The following FBN1 variants were observed in gnomAD, a reference collection of about 807,000 sequenced individuals.
The protein encoded by FBN1 is fibrillin 1.
In FBN1, 29 loss-of-function variants were observed where a neutral mutation model predicts 365.1. The ratio of observed to expected loss-of-function variants is 0.08; its 90% CI spans 0.06 to 0.11. FBN1 has a LOEUF of 0.11. Ranked by LOEUF, FBN1 falls within the 10% of genes least tolerant of loss-of-function variation. The probability of loss-of-function intolerance (pLI) is 1.00; values close to 1 mark genes in which losing one functional copy is unlikely to be tolerated. For missense variants in FBN1, 2,476 were observed against 3,703.2 expected, an observed-to-expected ratio of 0.67 and a Z score of 8.60; for synonymous variants, 1,210 against 1,270.5, an observed-to-expected ratio of 0.95 and a Z score of 1.01.
intron 43 of FBN1, among the ~76,000 whole-genome samples, 155 bp from the exon 44 acceptor site, chr15:48,456,917 G>A (rs1358750929): frequency 6.6e-6 from 1 of 150,888 alleles, no homozygotes; most frequent in African/African-American, 2.4e-5. Flanking sequence ...GGACATCAAC[G>A]AATAGCAAAT....
At chr15:48,509,217 CT>C (rs2043738775) in intron 14 of FBN1, among the ~76,000 whole-genome samples, 1 of 151,906 alleles carries the variant, frequency 6.6e-6, no homozygotes, top group African/African-American at 2.4e-5. Context: ...AAAAAGTGGA[CT>C]TTTAGAATAC....
chr15:48,644,863 G>A lies in FBN1; in HGVS notation c.-94C>T. The A allele has an allele frequency of 8.0e-7, 1 of 1,243,228 alleles. No individual in the cohort carries two copies. The highest frequency in any genetic ancestry group is 1.0e-6 in the Non-Finnish European group (1 of 979,292). 77.0% of individuals were successfully genotyped at this position (1,243,228 alleles called of 1,614,324 possible). A position where few individuals can be genotyped will look rare whatever the true frequency, so the allele number is the denominator to read the frequency against. On this transcript the variant is annotated 5_prime_UTR_variant, in exon 2 of 66. Coordinates refer to ENST00000316623, the MANE Select transcript of FBN1 (RefSeq NM_000138.5). ...CGCCCTGAAGCGCACCGCGCCGCCG[G>A]GGTCCCGCTATCCCGCCGCCCGTCC...
chr15:48,488,402 G>T lies in FBN1; in HGVS notation c.3174C>A (p.Gly1058=). ...IGSFKCRCDS[G]FALDSEERNC... ...TCCTTTCTTCAGAATCAAGAGCAAA[G>T]CCGCTGTCACACCTGCACTTAAAGC... Residue 1058 remains glycine, a synonymous_variant, in exon 26 of 66, where the codon GGC becomes GGA. Transcript: ENST00000316623. The T allele has an allele frequency of 6.2e-7, 1 of 1,614,196 alleles. No homozygotes were observed. The highest frequency in any genetic ancestry group is 1.1e-5 in the South Asian group (1 of 91,086).
intron 35 of FBN1, 91 bp from the exon 36 acceptor site, chr15:48,470,847 TA>T: frequency 1.4e-6 from 2 of 1,411,394 alleles, no homozygotes; most frequent in Non-Finnish European, 2.0e-6. Context: ...ATGTAAATAC[TA>T]AGAAAATGCA....
intron 50 of FBN1, among the ~76,000 whole-genome samples, chr15:48,439,657 T>C (rs2043098038): frequency 6.6e-6 from 1 of 152,186 alleles, no homozygotes; most frequent in Admixed American, 6.5e-5. Context: ...AATATGTATG[T>C]TGTAATATTG....
intron 2 of FBN1, among the ~76,000 whole-genome samples, chr15:48,638,912 A>ACCAC (rs1311296176): frequency 6.6e-6 from 1 of 152,174 alleles, no homozygotes; most frequent in Non-Finnish European, 1.5e-5. Flanking sequence ...ATGGTTACCT[A>ACCAC]CCACCCTCAC....
chr15:48,423,252 C>A (rs1254751148), intron 60 of FBN1, among the ~76,000 whole-genome samples: 1 of 152,226 alleles, frequency 6.6e-6, no homozygotes, highest in East Asian at 1.9e-4. Flanking sequence ...ACCATCTGCA[C>A]AACTGCTTTG....
chr15:48,528,891 G>C (rs1269910998), intron 8 of FBN1: 1 of 152,028 alleles, frequency 6.6e-6, no homozygotes, highest in Non-Finnish European at 1.5e-5. Context: ...AAAAGCAAGA[G>C]TTCTATCTAT....
chr15:48,555,654 T>G (rs1364283488), intron 6 of FBN1, among the ~76,000 whole-genome samples: 1 of 152,112 alleles, frequency 6.6e-6, no homozygotes, highest in Non-Finnish European at 1.5e-5. Context: ...GAGAGTCTTG[T>G]TTATCTCTGA....
chr15:48,514,680 A>C (rs2043786905), intron 12 of FBN1, among the ~76,000 whole-genome samples: 1 of 152,190 alleles, frequency 6.6e-6, no homozygotes, highest in South Asian at 2.1e-4. Context: ...GGTAAGCTAC[A>C]CATTTAGACT....
chr15:48,456,553 A>G (rs540012772), intron 44 of FBN1, 84 bp downstream of exon 44: 76 of 1,332,320 alleles, frequency 5.7e-5, no homozygotes, highest in Admixed American at 2.9e-4. Flanking sequence ...TGAAATTTCA[A>G]TGTTGTGAAA....
chr15:48,639,737 T>C (rs75077289), intron 2 of FBN1, among the ~76,000 whole-genome samples: 2,175 of 152,294 alleles, frequency 0.014, 50 homozygotes, highest in African/African-American at 0.05. Flanking sequence ...AGGCCTGATA[T>C]ATTATTGATG....
At chr15:48,542,769 T>C (rs2044066615) in intron 6 of FBN1, among the ~76,000 whole-genome samples, 2 of 149,252 alleles carry the variant, frequency 1.3e-5, no homozygotes, top group African/African-American at 5.0e-5. Context: ...TTCTGCCCTC[T>C]AGGACTCTAA....
intron 40 of FBN1, 41 bp from the exon 41 acceptor site, chr15:48,464,062 TC>T: frequency 6.2e-7 from 1 of 1,608,244 alleles, no homozygotes; most frequent in Non-Finnish European, 8.5e-7. Flanking sequence ...TATGAAAACT[TC>T]ACATTTTGGA....
At chr15:48,605,545 T>C (rs1028582734) in intron 4 of FBN1, among the ~76,000 whole-genome samples, 4 of 152,124 alleles carry the variant, frequency 2.6e-5, no homozygotes, top group Non-Finnish European at 5.9e-5. Context: ...TTCTCAAAAC[T>C]CAACAATGAA....
chr15:48,509,876 T>TAACAA (rs1233270229), intron 14 of FBN1, among the ~76,000 whole-genome samples, 168 bp downstream of exon 14: 2 of 152,208 alleles, frequency 1.3e-5, no homozygotes, highest in African/African-American at 2.4e-5. Flanking sequence ...TTCACACAAA[T>TAACAA]GTAAATTAAG....
intron 2 of FBN1, among the ~76,000 whole-genome samples, chr15:48,634,723 C>T (rs1425847981): frequency 6.6e-6 from 1 of 150,554 alleles, no homozygotes; most frequent in East Asian, 2.0e-4. Flanking sequence ...TGCAGCACAG[C>T]TTATGAAATT....
Position 48,644,709 on chromosome 15 carries a change from T to C in FBN1, c.61A>G (p.Thr21Ala), listed in dbSNP as rs777027225. ...AAATTGGCGTCCGCCCCATGGCTCG[T>C]GTAGGACGCTAAAAGCACGGTAAAT... ...LGFTVLLASY[T>A]SHGADANLEA... The change falls in exon 2 of 66, where the codon ACG (threonine) becomes GCG (alanine). Residue 21 changes from threonine to alanine, a missense_variant. Around this residue, in one of 5 missense-constraint regions of FBN1, gnomAD observed 76 missense variants for 85.4 expected, o/e 0.89. Coordinates refer to ENST00000316623, the MANE Select transcript of FBN1 (RefSeq NM_000138.5). The C allele has an allele frequency of 5.0e-6, 8 of 1,614,060 alleles. No homozygotes were observed. The highest frequency in any genetic ancestry group is 6.8e-6 in the Non-Finnish European group (8 of 1,179,998).
intron 6 of FBN1, among the ~76,000 whole-genome samples, chr15:48,539,376 C>G (rs912105862): frequency 2.0e-5 from 3 of 152,190 alleles, no homozygotes; most frequent in African/African-American, 7.2e-5. Context: ...TATGGCAGCA[C>G]TGGAGAGACA....
Sources: allele counts gnomAD v4.1 joint callset (sites outside exome capture counted in the v4.1 genomes callset), GRCh38; gene constraint gnomAD v4.1.1; regional missense constraint gnomAD v4.1.1; transcripts MANE v1.5; gene names NCBI Gene and HGNC (gene_info 2026-07-23, HGNC 2026-07-21).